Variants in FGD4 observed in about 807,000 individuals in gnomAD.
FGD4 encodes the protein FYVE, RhoGEF and PH domain-containing protein 4.
FGD4 carries 42 observed loss-of-function variants against 102.0 expected under a neutral mutation model. The observed-to-expected ratio is 0.41, with a 90% CI of 0.32 to 0.53. The LOEUF (loss-of-function observed/expected upper bound fraction) is 0.53, where lower values mean the gene tolerates loss of function less well. Among genes scored for constraint, FGD4 ranks in the 20% least tolerant of loss-of-function variants. The pLI is 0.21. For synonymous variants in FGD4, 380 were observed against 375.7 expected (o/e 1.01, Z -0.13); for missense variants, 902 against 1,078.2 (o/e 0.84, Z 2.29).
chr12:32,598,462 C>A lies in FGD4; in HGVS notation c.1012-35C>A, dbSNP rs201082770. The A allele has an allele frequency of 8.4e-5, 117 of 1,398,102 alleles. 1 individual carries two copies. The highest frequency in any genetic ancestry group is 5.4e-4 in the Middle Eastern group (3 of 5,520). 86.6% of individuals were successfully genotyped at this position (1,398,102 alleles called of 1,614,324 possible). ...ACTTTAGAAATATTGTCCAAGGTATCTTTCCTAATGTGTGAATATCTTTCC... is the reference window on the plus strand; with the variant it reads ...ACTTTAGAAATATTGTCCAAGGTATATTTCCTAATGTGTGAATATCTTTCC... On this transcript the variant is annotated intron_variant, in intron 4 of 16. Transcript: ENST00000534526.
At chr12:32,426,089 T>C (rs1449456396) in intron 1 of FGD4, among the ~76,000 whole-genome samples, 4 of 152,192 alleles carry the variant, frequency 2.6e-5, no homozygotes, top group African/African-American at 9.7e-5. Flanking sequence ...GGCCAGAACT[T>C]CCAATACTAT....
In FGD4 at chr12:32,399,892, G is replaced by C; in HGVS notation, c.99G>C (p.Arg33Ser). ...LPPGVPRPWS[R>S]PASHLGRVGT... ...CCGGGGTGCCCCGGCCCTGGAGCAG[G>C]CCCGCGTCGCACCTGGGACGTGTAG... Residue 33 changes from arginine (R) to serine (S), a missense_variant, in exon 1 of 17, where the codon AGG becomes AGC. Around this residue, in one of 2 missense-constraint regions of FGD4, gnomAD observed 443 missense variants for 459.2 expected, o/e 0.96. Transcript: ENST00000534526. The C allele has an allele frequency of 6.5e-7, 1 of 1,529,912 alleles. No individual in the cohort carries two copies. Among genetic ancestry groups the C allele is most frequent in the South Asian group, 1.2e-5 (1 of 83,766 alleles). 94.8% of individuals were successfully genotyped at this position (1,529,912 alleles called of 1,614,324 possible).
chr12:32,548,409 A>C (rs1426900807), intron 1 of FGD4, among the ~76,000 whole-genome samples: 1 of 152,122 alleles, frequency 6.6e-6, no homozygotes, highest in African/African-American at 2.4e-5. Context: ...CTGAGATCTT[A>C]TGATACTTGT....
At chr12:32,611,004 G>T in intron 9 of FGD4, 133 bp from the exon 10 acceptor site, 1 of 1,279,094 alleles carries the variant, frequency 7.8e-7, no homozygotes, top group Non-Finnish European at 1.1e-6. Flanking sequence ...GCTAATAAGT[G>T]ATGGAATTTA....
At chr12:32,404,939 A>G (rs1369546589) in intron 1 of FGD4, among the ~76,000 whole-genome samples, 1 of 151,810 alleles carries the variant, frequency 6.6e-6, no homozygotes, top group Non-Finnish European at 1.5e-5. Context: ...TTTATTTTTT[A>G]TTTTTATTTT....
At chr12:32,529,079 CATTTT>C (rs1941540122) in intron 1 of FGD4, among the ~76,000 whole-genome samples, 1 of 152,210 alleles carries the variant, frequency 6.6e-6, no homozygotes. Flanking sequence ...TTCTATGCCT[CATTTT>C]ATTAAGCCTC....
chr12:32,523,880 A>G (rs1318546529), intron 1 of FGD4, among the ~76,000 whole-genome samples: 1 of 152,086 alleles, frequency 6.6e-6, no homozygotes, highest in Non-Finnish European at 1.5e-5. Context: ...CTGGAGGCTG[A>G]GGCAGGAGAA....
intron 11 of FGD4, among the ~76,000 whole-genome samples, chr12:32,621,716 G>A (rs1327144048): frequency 2.0e-5 from 3 of 152,168 alleles, no homozygotes; most frequent in Middle Eastern, 3.2e-3. Context: ...TTAGGGAGCA[G>A]GTAGCATTTG....
intron 1 of FGD4, among the ~76,000 whole-genome samples, chr12:32,457,126 C>T (rs1396213491): frequency 6.6e-6 from 1 of 152,112 alleles, no homozygotes; most frequent in Non-Finnish European, 1.5e-5. Flanking sequence ...AGGCTTCTAT[C>T]CTCAGTTTTT....
chr12:32,519,060 A>T (rs1483984630), intron 1 of FGD4, among the ~76,000 whole-genome samples: 1 of 144,452 alleles, frequency 6.9e-6, no homozygotes, highest in Non-Finnish European at 1.5e-5. Flanking sequence ...GGTTGCAGTG[A>T]GCCCAAGATC....
chr12:32,500,291 T>A (rs539758140), intron 1 of FGD4, among the ~76,000 whole-genome samples: 1 of 152,170 alleles, frequency 6.6e-6, no homozygotes, highest in Non-Finnish European at 1.5e-5. Flanking sequence ...TGTAAAGTGT[T>A]TATTATAGTG....
intron 1 of FGD4, among the ~76,000 whole-genome samples, chr12:32,496,954 T>C (rs1937858896): frequency 6.6e-6 from 1 of 152,244 alleles, no homozygotes; most frequent in South Asian, 2.1e-4. Context: ...ATCTCATTAT[T>C]CTTATTTGAC....
intron 10 of FGD4, 90 bp from the exon 11 acceptor site, chr12:32,619,608 G>A: frequency 1.4e-6 from 2 of 1,420,160 alleles, no homozygotes; most frequent in South Asian, 1.2e-5. Flanking sequence ...CTCCAGCCTG[G>A]GCAACAGAGT....
Position 32,506,484 on chromosome 12 carries a change from C to G in FGD4, c.167-57653C>G, listed in dbSNP as rs1019376023. 4.6e-5 allele frequency among the ~76,000 whole-genome samples: 7 copies of G among 152,134 alleles called. No homozygotes were observed. Among genetic ancestry groups the G allele is most frequent in the African/African-American group, 1.2e-4 (5 of 41,418 alleles). ...GCCTGAGGAACGACTATGGTCCACT[C>G]TAGGACATATCTGTCACCTGGGCAG... On this transcript the variant is annotated intron_variant, in intron 1 of 16. Transcript: ENST00000534526. The surrounding 1 kb of genome is among the most constrained non-coding windows in gnomAD (Gnocchi z 4.5).
intron 11 of FGD4, among the ~76,000 whole-genome samples, chr12:32,623,932 T>G (rs1010208721): frequency 6.6e-5 from 10 of 152,188 alleles, no homozygotes; most frequent in African/African-American, 2.4e-4. Context: ...GCCTAAAGCC[T>G]TCTAAGAACT....
intron 3 of FGD4, among the ~76,000 whole-genome samples, chr12:32,580,210 G>A (rs1946492732): frequency 6.6e-6 from 1 of 152,046 alleles, no homozygotes; most frequent in South Asian, 2.1e-4. Context: ...TGTGACATTG[G>A]CCACCTTAAT....
chr12:32,578,192 G>C (rs1946285535), intron 3 of FGD4, among the ~76,000 whole-genome samples: 1 of 151,962 alleles, frequency 6.6e-6, no homozygotes. Flanking sequence ...AGTGTGTTTT[G>C]GCAGGTCTGG....
chr12:32,443,660 G>T, intron 1 of FGD4, among the ~76,000 whole-genome samples: 1 of 150,962 alleles, frequency 6.6e-6, no homozygotes, highest in African/African-American at 2.4e-5. Flanking sequence ...GGAGTATCTG[G>T]GACTACAGGA....
chr12:32,622,827 A>G (rs1949927319), intron 11 of FGD4, among the ~76,000 whole-genome samples: 1 of 152,158 alleles, frequency 6.6e-6, no homozygotes, highest in African/African-American at 2.4e-5. Context: ...TCCTGACCTC[A>G]GGTGATCCAC....
Sources: gnomAD v4.1 joint callset for allele counts (sites outside exome capture counted in the v4.1 genomes callset) on GRCh38, gnomAD v4.1.1 for gene constraint, gnomAD v4.1.1 regional missense constraint, Gnocchi (gnomAD v3.1) non-coding constraint, MANE v1.5 for transcripts, NCBI Gene and HGNC (gene_info 2026-07-23, HGNC 2026-07-21) for gene names.